The following ZNF133 variants were observed in gnomAD, a reference collection of about 807,000 sequenced individuals.
ZNF133 encodes zinc finger protein 133, also known as zinc finger protein 133 (clone pHZ-13).
ZNF133 carries 26 observed loss-of-function variants against 54.9 expected under a neutral mutation model. That is an observed-to-expected ratio of 0.47 (90% CI 0.35 to 0.66). The LOEUF is 0.66. ZNF133 is among the 30% of genes least tolerant of loss of function. ZNF133 has a pLI of 0.01. For synonymous variants in ZNF133, 298 were observed against 320.3 expected, an observed-to-expected ratio of 0.93 and a Z score of 0.74; for missense variants, 653 against 820.8, an observed-to-expected ratio of 0.80 and a Z score of 2.50.
chr20:18,311,035 C>A (rs918421280), intron 6 of ZNF133, among the ~76,000 whole-genome samples: 1 of 151,798 alleles, frequency 6.6e-6, no homozygotes, highest in African/African-American at 2.4e-5. Context: ...GAACTAAAGC[C>A]AGGTGCTGTG....
chr20:18,293,089 C>T (rs1449219868), intron 1 of ZNF133, among the ~76,000 whole-genome samples: 9 of 152,276 alleles, frequency 5.9e-5, no homozygotes, highest in Admixed American at 2.0e-4. Flanking sequence ...AGAGAGAGGG[C>T]GCAGTATGTC....
At chr20:18,304,918 G>C (rs1324594079) in intron 3 of ZNF133, 90 bp from the exon 4 acceptor site, 26 of 843,082 alleles carry the variant, frequency 3.1e-5, no homozygotes, top group Non-Finnish European at 3.6e-5. Flanking sequence ...GTAGTTCCTA[G>C]CACTTTCTTC....
chr20:18,316,333 G>C lies in ZNF133; in HGVS notation c.1482G>C (p.Met494Ile), dbSNP rs572195972. The C allele has an allele frequency of 6.2e-7, 1 of 1,608,466 alleles. No individual in the cohort carries two copies. Reference sequence around the variant, plus strand: ...GGACGCACTCAGGCGAGAAGCCCATGGTGTGTGGGGAGTGCGGGCGAGGCT... The same window carrying C: ...GGACGCACTCAGGCGAGAAGCCCATCGTGTGTGGGGAGTGCGGGCGAGGCT... ...HQRTHSGEKP[M>I]VCGECGRGFS... The change falls in exon 7 of 7, where the codon ATG becomes ATC. Residue 494 changes from methionine to isoleucine, a missense_variant. Coordinates refer to ENST00000425686, the MANE Select transcript of ZNF133 (RefSeq NM_001352452.2).
chr20:18,295,248 C>G (rs1392718560), intron 1 of ZNF133: 2 of 152,332 alleles, frequency 1.3e-5, no homozygotes, highest in Non-Finnish European at 2.9e-5. Context: ...CAGGGGAGCA[C>G]AGCTACTCGT....
intron 6 of ZNF133, chr20:18,314,363 T>C (rs1403986558): frequency 6.6e-6 from 1 of 152,214 alleles, no homozygotes; most frequent in Non-Finnish European, 1.5e-5. Flanking sequence ...TTTACACTGA[T>C]TTTTGGGGAA....
chr20:18,316,094 T>C lies in ZNF133; in HGVS notation c.1243T>C (p.Cys415Arg). The change falls in exon 7 of 7, where the codon TGT (cysteine) becomes CGT (arginine). Residue 415 changes from cysteine to arginine, a missense_variant. Cys to Arg is a radical substitution (Grantham distance 180, BLOSUM62 -3). This residue lies in a region of ZNF133 where 292 missense variants were observed against 431.6 expected (regional missense o/e 0.68). Coordinates refer to ENST00000425686, the MANE Select transcript of ZNF133 (RefSeq NM_001352452.2). ...GGAGAAGCCCTATGTGTGCGGGGTGTGTGGGCACAGCTTCAGCCAGAATTC... is the reference window on the plus strand; with the variant it reads ...GGAGAAGCCCTATGTGTGCGGGGTGCGTGGGCACAGCTTCAGCCAGAATTC... ...SKEKPYVCGV[C>R]GHSFSQNSTL... 6.2e-7 allele frequency: 1 copy of C among 1,613,120 alleles called. No individual in the cohort carries two copies. Among genetic ancestry groups the C allele is most frequent in the Non-Finnish European group, 8.5e-7 (1 of 1,179,430 alleles).
intron 6 of ZNF133, among the ~76,000 whole-genome samples, chr20:18,307,308 T>C (rs1266176870): frequency 6.6e-6 from 1 of 152,248 alleles, no homozygotes; most frequent in African/African-American, 2.4e-5. Flanking sequence ...GCATTTCTTA[T>C]GGTACAGGTG....
chr20:18,292,596 C>G (rs2041302979), intron 1 of ZNF133, among the ~76,000 whole-genome samples: 1 of 152,214 alleles, frequency 6.6e-6, no homozygotes, highest in Non-Finnish European at 1.5e-5. Flanking sequence ...AAACCTCACC[C>G]CACTTCTGTG....
rs1227839313 is a variant in ZNF133, at chr20:18,310,281, G to A, written c.217+3888G>A. On this transcript the variant is annotated intron_variant, in intron 6 of 6. Transcript: ENST00000425686. ...GCTGTCTTGGAAACCCAAAATATAT[G>A]TGTAACGGGAGGAAGACTGTTCTAG... 3 of 1,533,638 alleles carry A rather than the reference G, an allele frequency of 2.0e-6. No individual in the cohort carries two copies. The South Asian group carries it at 3.6e-5, about 18-fold the overall frequency.
chr20:18,300,559 A>C (rs1377879236), intron 3 of ZNF133, among the ~76,000 whole-genome samples: 1 of 152,192 alleles, frequency 6.6e-6, no homozygotes, highest in Non-Finnish European at 1.5e-5. Context: ...ACATGATCTA[A>C]CTATATGCTG....
intron 3 of ZNF133, among the ~76,000 whole-genome samples, chr20:18,299,351 G>A (rs900302066): frequency 2.6e-5 from 4 of 152,132 alleles, no homozygotes; most frequent in African/African-American, 9.7e-5. Context: ...TTGAGCAGAC[G>A]GAAGAATCAG....
chr20:18,315,240 A>G lies in ZNF133; in HGVS notation c.389A>G (p.Gln130Arg). The change falls in exon 7 of 7, where the codon CAG becomes CGG. Residue 130 changes from glutamine (Q) to arginine (R), a missense_variant. Gln to Arg is a conservative substitution (Grantham distance 43). This residue lies in a region of ZNF133 where 227 missense variants were observed against 233.9 expected (regional missense o/e 0.97). Transcript: ENST00000425686. ...GDPGPGDQEK[Q>R]QQASEGRPWS... ...CCGGGCCCAGGGGACCAGGAGAAGCAGCAACAAGCCTCTGAGGGGAGACCC... is the reference window on the plus strand; with the variant it reads ...CCGGGCCCAGGGGACCAGGAGAAGCGGCAACAAGCCTCTGAGGGGAGACCC... 6.2e-7 allele frequency: 1 copy of G among 1,614,114 alleles called. No individual in the cohort carries two copies. Among genetic ancestry groups the G allele is most frequent in the South Asian group, 1.1e-5 (1 of 91,076 alleles).
intron 1 of ZNF133, chr20:18,295,108 C>G (rs186232246): frequency 1.1e-4 from 16 of 152,296 alleles, no homozygotes; most frequent in Non-Finnish European, 1.6e-4. Flanking sequence ...GAGTTATTCA[C>G]TTCATCTAGG....
chr20:18,306,801 A>T, intron 6 of ZNF133: 1 of 1,224,854 alleles, frequency 8.2e-7, no homozygotes, highest in South Asian at 1.5e-5. Flanking sequence ...ATTGAAATGG[A>T]ATTCTAAAAA....
intron 1 of ZNF133, among the ~76,000 whole-genome samples, chr20:18,296,142 T>G (rs2042187551): frequency 6.6e-6 from 1 of 152,176 alleles, no homozygotes; most frequent in African/African-American, 2.4e-5. Flanking sequence ...CCCTATAACA[T>G]TAGCACATGT....
At position 18,316,611 on chromosome 20, in the gene ZNF133, T is replaced by C. The variant is rs1327327423; in HGVS notation, c.1760T>C (p.Phe587Ser). The C allele has an allele frequency of 6.2e-7, 1 of 1,613,816 alleles. No individual in the cohort carries two copies. The highest frequency in any genetic ancestry group is 1.3e-5 in the African/African-American group (1 of 74,868). ...PCVCRECGQG[F>S]LQKSHLTLHQ... The stretch of plus-strand genomic sequence containing the variant: ...GTGTGCAGAGAGTGTGGCCAAGGCT[T>C]TCTCCAAAAGTCACACCTCACCTTA... The change falls in exon 7 of 7, where the codon TTT (phenylalanine) becomes TCT (serine). Residue 587 changes from phenylalanine to serine, a missense_variant. Phe to Ser is a radical substitution (Grantham distance 155, BLOSUM62 -2). Transcript: ENST00000425686.
chr20:18,315,397 A>C lies in ZNF133; in HGVS notation c.546A>C (p.Arg182Ser), dbSNP rs768082962. The C allele has an allele frequency of 1.3e-4, 216 of 1,614,058 alleles. No homozygotes were observed. Among genetic ancestry groups the C allele is most frequent in the Non-Finnish European group, 1.7e-4 (204 of 1,180,032 alleles). ...RQPVSSRNGL[R>S]GVELEASPAQ... Reference sequence around the variant, plus strand: ...CAGTCAGCTCTCGGAACGGCCTCAGAGGGGTGGAGTTAGAAGCCAGCCCAG... The same window carrying C: ...CAGTCAGCTCTCGGAACGGCCTCAGCGGGGTGGAGTTAGAAGCCAGCCCAG... Residue 182 changes from arginine (R) to serine (S), a missense_variant, in exon 7 of 7, where the codon AGA (arginine) becomes AGC (serine). Physicochemically the swap from Arg to Ser is moderately radical, Grantham distance 110. Coordinates refer to ENST00000425686, the MANE Select transcript of ZNF133 (RefSeq NM_001352452.2).
chr20:18,290,615 A>C (rs1159618041), intron 1 of ZNF133, among the ~76,000 whole-genome samples: 1 of 152,180 alleles, frequency 6.6e-6, no homozygotes, highest in African/African-American at 2.4e-5. Flanking sequence ...ATTGTTAAAA[A>C]AAAAATCTTT....
chr20:18,312,172 A>C (rs2046213286), intron 6 of ZNF133, among the ~76,000 whole-genome samples: 1 of 152,212 alleles, frequency 6.6e-6, no homozygotes, highest in Non-Finnish European at 1.5e-5. Context: ...AGGATGCTGA[A>C]TAAACTGAAT....
Sources: allele counts gnomAD v4.1 joint callset (sites outside exome capture counted in the v4.1 genomes callset), GRCh38; gene constraint gnomAD v4.1.1; regional missense constraint gnomAD v4.1.1; transcripts MANE v1.5; gene names NCBI Gene and HGNC (gene_info 2026-07-23, HGNC 2026-07-21).